PHF21A: variants seen among roughly 807,000 people sequenced by gnomAD.
The protein encoded by PHF21A is BHC80a.
PHF21A carries 11 observed loss-of-function variants against 82.5 expected under a neutral mutation model. The observed-to-expected ratio is 0.13, with a 90% CI of 0.08 to 0.22. The LOEUF is 0.22. Ranked by LOEUF, PHF21A falls within the 10% of genes least tolerant of loss-of-function variation. The probability of loss-of-function intolerance (pLI) is 1.00; values close to 1 mark genes in which losing one functional copy is unlikely to be tolerated. For missense variants in PHF21A, 579 were observed against 837.8 expected, an observed-to-expected ratio of 0.69 and a Z score of 3.81; for synonymous variants, 297 against 302.8, an observed-to-expected ratio of 0.98 and a Z score of 0.20.
intron 1 of PHF21A, among the ~76,000 whole-genome samples, chr11:46,109,529 G>A (rs1278544894): frequency 4.7e-5 from 7 of 148,624 alleles, no homozygotes; most frequent in Non-Finnish European, 7.5e-5. Context: ...TATATAGTTA[G>A]TAAAATAAAA....
intron 6 of PHF21A, among the ~76,000 whole-genome samples, chr11:45,984,944 G>A (rs544663577): frequency 2.6e-5 from 4 of 152,164 alleles, no homozygotes; most frequent in Non-Finnish European, 5.9e-5. Flanking sequence ...GAATCAACAT[G>A]CAATTTAAAA....
intron 14 of PHF21A, among the ~76,000 whole-genome samples, chr11:45,947,447 A>C (rs1233644673): frequency 6.6e-6 from 1 of 152,204 alleles, no homozygotes; most frequent in African/African-American, 2.4e-5. Context: ...CAGATGTTAC[A>C]AAAATATTAC....
chr11:45,968,561 G>A (rs2136009575), intron 9 of PHF21A, among the ~76,000 whole-genome samples: 1 of 152,296 alleles, frequency 6.6e-6, no homozygotes, highest in East Asian at 1.9e-4. Context: ...GGCTAACTCA[G>A]CTAGGATTTT....
chr11:46,040,983 G>A (rs886311623), intron 6 of PHF21A, among the ~76,000 whole-genome samples: 1 of 150,772 alleles, frequency 6.6e-6, no homozygotes, highest in African/African-American at 2.4e-5. Flanking sequence ...AATTTCCCAG[G>A]TTGGCCCCAT....
At chr11:46,100,779 A>G (rs769351233) in intron 1 of PHF21A, among the ~76,000 whole-genome samples, 5 of 152,222 alleles carry the variant, frequency 3.3e-5, no homozygotes, top group Non-Finnish European at 7.3e-5. Context: ...ATTACCTTGT[A>G]GTGACTCCTA....
intron 7 of PHF21A, among the ~76,000 whole-genome samples, chr11:45,975,387 C>CAAAACAAAAT (rs1555032773): frequency 1.4e-5 from 2 of 139,922 alleles, no homozygotes; most frequent in South Asian, 4.4e-4. Flanking sequence ...TAAAACAAAA[C>CAAAACAAAAT]AAAATAAAAT....
chr11:46,083,020 T>C (rs946369227), intron 4 of PHF21A, among the ~76,000 whole-genome samples: 8 of 152,234 alleles, frequency 5.3e-5, no homozygotes. Flanking sequence ...CAGCTTTGAA[T>C]AAAATGTGAA....
chr11:45,967,763 G>A (rs184065713), intron 9 of PHF21A, among the ~76,000 whole-genome samples: 1 of 152,220 alleles, frequency 6.6e-6, no homozygotes, highest in East Asian at 1.9e-4. Flanking sequence ...ATGAATGTCT[G>A]ACTGAACTTA....
intron 6 of PHF21A, among the ~76,000 whole-genome samples, chr11:46,038,994 G>A (rs991161187): frequency 2.0e-5 from 3 of 152,126 alleles, no homozygotes; most frequent in African/African-American, 7.2e-5. Context: ...CCTAAGGTGG[G>A]CACAAGTTTG....
chr11:46,097,511 C>G (rs141129808), intron 1 of PHF21A, among the ~76,000 whole-genome samples: 1 of 152,286 alleles, frequency 6.6e-6, no homozygotes, highest in East Asian at 1.9e-4. Context: ...ACAGCAGTTT[C>G]AGGAGCAAAA....
chr11:46,010,765 T>C (rs2095396210), intron 6 of PHF21A, among the ~76,000 whole-genome samples: 2 of 152,170 alleles, frequency 1.3e-5, no homozygotes, highest in African/African-American at 2.4e-5. Context: ...TTTCCCCTTA[T>C]CTTGGAAATT....
rs368181546 is a variant in PHF21A, at chr11:46,019,992, C to CT, written c.154-40027dup. On this transcript the variant is annotated intron_variant, in intron 6 of 18. Coordinates refer to ENST00000676320, the MANE Select transcript of PHF21A (RefSeq NM_001352027.3). ...TTTTGCTATTTTCTACATTTTGACT[C>CT]TTTTTTTTTTTAGCCATCATTATGA... Among the ~76,000 whole-genome samples the CT allele has an allele frequency of 1.3e-3, 193 of 144,516 alleles. 2 individuals carry two copies. The South Asian group carries it at 0.032, about 24-fold the overall frequency. 94.8% of individuals were successfully genotyped at this position (144,516 alleles called of 152,430 possible).
chr11:45,954,290 C>A (rs1333352758), intron 10 of PHF21A, among the ~76,000 whole-genome samples: 1 of 152,150 alleles, frequency 6.6e-6, no homozygotes, highest in African/African-American at 2.4e-5. Context: ...AGCCACCATG[C>A]CCAGCCCACT....
intron 10 of PHF21A, among the ~76,000 whole-genome samples, chr11:45,962,298 G>A (rs551562703): frequency 2.8e-4 from 13 of 45,746 alleles, no homozygotes; most frequent in South Asian, 8.6e-4. Flanking sequence ...CGTTGGATAC[G>A]GGTTTGGTAA....
chr11:45,978,502 A>T (rs2094143644), intron 7 of PHF21A, among the ~76,000 whole-genome samples: 2 of 152,212 alleles, frequency 1.3e-5, no homozygotes, highest in Admixed American at 6.5e-5. Context: ...AATGTTGCAC[A>T]TGAACCAGTC....
chr11:45,936,528 T>C lies in PHF21A; in HGVS notation c.1650A>G (p.Leu550=). The change falls in exon 17 of 19, where the codon TTA becomes TTG. Residue 550 remains leucine (L), a synonymous_variant. Coordinates refer to ENST00000676320, the MANE Select transcript of PHF21A (RefSeq NM_001352027.3). ...KEEAIPWPGT[L]AIVHSYIAYK... ...AGGCAATATAGGAATGAACAATTGC[T>C]AAAGTTCCAGGCCATGGAATTGCTT... is the stretch of plus-strand genomic sequence containing the variant. 1.9e-6 allele frequency: 3 copies of C among 1,613,536 alleles called. No individual in the cohort carries two copies. Among genetic ancestry groups the C allele is most frequent in the Non-Finnish European group, 2.5e-6 (3 of 1,179,422 alleles).
At chr11:45,934,799 G>C (rs552093272) in intron 18 of PHF21A, 35 of 350,286 alleles carry the variant, frequency 1.0e-4, no homozygotes, top group South Asian at 7.5e-4. Context: ...CGGGGACTTA[G>C]AGTCTTTTGC....
chr11:46,030,309 C>T (rs1016536459), intron 6 of PHF21A, among the ~76,000 whole-genome samples: 3 of 152,192 alleles, frequency 2.0e-5, no homozygotes, highest in Non-Finnish European at 2.9e-5. Flanking sequence ...TCCATAAGTT[C>T]TCTTGCTCCA....
intron 6 of PHF21A, among the ~76,000 whole-genome samples, chr11:46,044,259 T>C (rs1392415780): frequency 6.6e-6 from 1 of 152,146 alleles, no homozygotes; most frequent in African/African-American, 2.4e-5. Context: ...CTTTTGGCTT[T>C]ATTGAGAATA....
Sources: allele counts gnomAD v4.1 joint callset (sites outside exome capture counted in the v4.1 genomes callset), GRCh38; gene constraint gnomAD v4.1.1; transcripts MANE v1.5; gene names NCBI Gene and HGNC (gene_info 2026-07-23, HGNC 2026-07-21).